The following RHBDF1 variants were observed in gnomAD, a reference collection of about 807,000 sequenced individuals.
The protein encoded by RHBDF1 is rhomboid 5 homolog 1.
In RHBDF1, 80 loss-of-function variants were observed where a neutral mutation model predicts 98.6. That is an observed-to-expected ratio of 0.81 (90% CI 0.68 to 0.98). The LOEUF is 0.98. RHBDF1 is among the 50% of genes least tolerant of loss of function. RHBDF1 has a pLI of 0.00. For missense variants in RHBDF1, 1,116 were observed against 1,198.3 expected (o/e 0.93, Z 1.01); for synonymous variants, 512 against 486.8 (o/e 1.05, Z -0.68).
chr16:61,964 C>T lies in RHBDF1; in HGVS notation c.1042G>A (p.Ala348Thr), dbSNP rs1427381402. 1.9e-6 allele frequency: 3 copies of T among 1,592,288 alleles called. No individual in the cohort carries two copies. Among genetic ancestry groups the T allele is most frequent in the South Asian group, 1.1e-5 (1 of 90,414 alleles). ...VRLRQEVVST[A>T]GPRRGQRIAV... is the part of the protein sequence containing the mutation. ...ATACGCTGGCCCCGTCGCGGCCCCG[C>T]GGTGCTCACCACCTCCTGTCGGAGC... Residue 348 changes from alanine (A) to threonine (T), a missense_variant, in exon 8 of 18, where the codon GCG (alanine) becomes ACG (threonine). Coordinates refer to ENST00000262316, the MANE Select transcript of RHBDF1 (RefSeq NM_022450.5).
In RHBDF1 at chr16:60,237, T is replaced by A; in HGVS notation, c.1701A>T (p.Pro567=). The A allele has an allele frequency of 6.2e-7, 1 of 1,614,128 alleles. No individual in the cohort carries two copies. Among genetic ancestry groups the A allele is most frequent in the Non-Finnish European group, 8.5e-7 (1 of 1,180,020 alleles). The change falls in exon 13 of 18, where the codon CCA becomes CCT. Residue 567 remains proline, a synonymous_variant. Transcript: ENST00000262316. The part of the protein sequence containing the change: ...EPSSEDPHEW[P]EDITKWPICT... ...TCACCGGCCACTTGGTGATGTCTTCTGGCCACTCATGAGGGTCTTCGGAGG... is the reference window on the plus strand; with the variant it reads ...TCACCGGCCACTTGGTGATGTCTTCAGGCCACTCATGAGGGTCTTCGGAGG...
intron 14 of RHBDF1, 75 bp downstream of exon 14, chr16:59,657 G>T (rs1321360904): frequency 2.6e-6 from 4 of 1,559,136 alleles, no homozygotes; most frequent in Admixed American, 3.6e-5. Flanking sequence ...TCAGGATTTG[G>T]TTAGGGAGAA....
At chr16:70,008 A>T (rs113719405) in intron 1 of RHBDF1, among the ~76,000 whole-genome samples, 1 of 48,792 alleles carries the variant, frequency 2.0e-5, no homozygotes, top group African/African-American at 5.2e-5. Flanking sequence ...AGCACTTGGC[A>T]GGAGGGGGGG....
At chr16:75,868 G>A (rs1220080571), upstream of RHBDF1, among the ~76,000 whole-genome samples, 1 of 152,164 alleles carries the variant, frequency 6.6e-6, no homozygotes, top group African/African-American at 2.4e-5. Context: ...CTCAACAGCT[G>A]TCAGCACCCC....
chr16:66,989 A>C (rs1298092082), intron 1 of RHBDF1, among the ~76,000 whole-genome samples: 2 of 152,156 alleles, frequency 1.3e-5, no homozygotes. Flanking sequence ...CCCAGCCCAG[A>C]CCTGCGTGTC....
At chr16:59,633 T>C in intron 14 of RHBDF1, 99 bp downstream of exon 14, 3 of 1,498,776 alleles carry the variant, frequency 2.0e-6, no homozygotes, top group Non-Finnish European at 2.7e-6. Flanking sequence ...ACATCCTTGG[T>C]ATACTGGCTT....
At position 60,981 on chromosome 16, in the gene RHBDF1, A is replaced by T; in HGVS notation, c.1557+139T>A. On this transcript the variant is annotated intron_variant, in intron 11 of 17. Transcript: ENST00000262316. ...GGGAGGGTGGGGATGAGGAGGAATG[A>T]ATATGACAAGGCCTTGCGCGTAAGG... 3.4e-6 allele frequency: 3 copies of T among 887,286 alleles called. No homozygotes were observed. The South Asian group carries it at 5.3e-5, about 16-fold the overall frequency. 55.0% of individuals were successfully genotyped at this position (887,286 alleles called of 1,614,324 possible).
chr16:61,737 G>A (rs1430602944), intron 8 of RHBDF1, 41 bp from the exon 9 acceptor site: 6 of 1,609,760 alleles, frequency 3.7e-6, no homozygotes, highest in East Asian at 2.2e-5. Context: ...TCCCCGACCC[G>A]GAGCCCCCAC....
At position 64,829 on chromosome 16, in the gene RHBDF1, G is replaced by C; in HGVS notation, c.118C>G (p.Pro40Ala). 1 of 1,614,098 alleles carries C rather than the reference G, an allele frequency of 6.2e-7. No homozygotes were observed. The highest frequency in any genetic ancestry group is 8.5e-7 in the Non-Finnish European group (1 of 1,180,008). ...LTAEEPSFLQPLRRQAFLRSV... is the reference protein window; with the variant it reads ...LTAEEPSFLQALRRQAFLRSV... Reference sequence around the variant, plus strand: ...CTCAGGAAAGCCTGTCGCCTCAGGGGCTGGGCAACAGGGTCATGGTGAGGG... The same window carrying C: ...CTCAGGAAAGCCTGTCGCCTCAGGGCCTGGGCAACAGGGTCATGGTGAGGG... The change falls in exon 3 of 18, where the codon CCC becomes GCC. Residue 40 changes from proline (P) to alanine (A), a missense_variant and splice_region_variant. Physicochemically the swap from Pro to Ala is conservative, Grantham distance 27. Coordinates refer to ENST00000262316, the MANE Select transcript of RHBDF1 (RefSeq NM_022450.5).
rs779881665 is a variant in RHBDF1, at chr16:58,579, T to C, written c.2329A>G (p.Ile777Val). The C allele has an allele frequency of 1.2e-6, 2 of 1,613,872 alleles. No homozygotes were observed. Among genetic ancestry groups the C allele is most frequent in the South Asian group, 1.1e-5 (1 of 91,082 alleles). ...GCGAAGGAGAGGAAGAGGCCACTGA[T>C]GAACCCTGAGATGTGGGCAAAGTTG... Reference protein sequence around the residue: ...IDNFAHISGFISGLFLSFAFL... With the variant: ...IDNFAHISGFVSGLFLSFAFL... The change falls in exon 18 of 18, where the codon ATC becomes GTC. Residue 777 changes from isoleucine (I) to valine (V), a missense_variant. By Grantham distance (29) the Ile-to-Val change is conservative (BLOSUM62 3). Coordinates refer to ENST00000262316, the MANE Select transcript of RHBDF1 (RefSeq NM_022450.5).
Position 63,666 on chromosome 16 carries a change from C to A in RHBDF1, c.383G>T (p.Ser128Ile). Residue 128 changes from serine (S) to isoleucine (I), a missense_variant, in exon 4 of 18, where the codon AGC (serine) becomes ATC (isoleucine). By Grantham distance (142) the Ser-to-Ile change is moderately radical (BLOSUM62 -2). Coordinates refer to ENST00000262316, the MANE Select transcript of RHBDF1 (RefSeq NM_022450.5). ...GCTGGTCAGCGACACGTTGTCCTGGCTGGGCAGGTCCAGCTCCCGGAGGAC... is the reference window on the plus strand; with the variant it reads ...GCTGGTCAGCGACACGTTGTCCTGGATGGGCAGGTCCAGCTCCCGGAGGAC... The part of the protein sequence containing the change: ...PQVLRELDLP[S>I]QDNVSLTSTE... 6.2e-7 allele frequency: 1 copy of A among 1,611,734 alleles called. No homozygotes were observed. Among genetic ancestry groups the A allele is most frequent in the African/African-American group, 1.3e-5 (1 of 75,012 alleles).
chr16:66,244 C>G (rs573642861), intron 1 of RHBDF1, among the ~76,000 whole-genome samples: 2 of 152,290 alleles, frequency 1.3e-5, no homozygotes, highest in South Asian at 4.1e-4. Flanking sequence ...GGCTCGGAGC[C>G]GCTGGGTCGG....
intron 1 of RHBDF1, among the ~76,000 whole-genome samples, chr16:71,906 T>C (rs1897979900): frequency 6.6e-6 from 1 of 151,784 alleles, no homozygotes; most frequent in African/African-American, 2.4e-5. Flanking sequence ...TCTTCGGGAG[T>C]CGCTCCCAGC....
rs760445561 is a variant in RHBDF1 at position 59,275 on chromosome 16, C to A, written c.1968G>T (p.Leu656=). 23 of 1,608,620 alleles carry A rather than the reference C, an allele frequency of 1.4e-5. No homozygotes were observed. The African/African-American group carries it at 2.9e-4, about 21-fold the overall frequency. The change falls in exon 16 of 18, where the codon CTG becomes CTT. Residue 656 remains leucine (L), a synonymous_variant. Coordinates refer to ENST00000262316, the MANE Select transcript of RHBDF1 (RefSeq NM_022450.5). ...NPEVPDQFYR[L]WLSLFLHAGI... is the part of the protein sequence containing the mutation. The stretch of plus-strand genomic sequence containing the variant: ...CGGCGTGCAGGAAGAGGGATAGCCA[C>A]AGGCGGTAGAACTGGTCAGGCACCT...
At chr16:64,113 A>T (rs965096037) in intron 3 of RHBDF1, 1 of 642,146 alleles carries the variant, frequency 1.6e-6, no homozygotes, top group Non-Finnish European at 2.6e-6. Context: ...TGAGAGCTCA[A>T]CCCGAGAGAG....
At position 62,711 on chromosome 16, in the gene RHBDF1, A is replaced by C; in HGVS notation, c.796-16T>G. 1 of 1,614,100 alleles carries C rather than the reference A, an allele frequency of 6.2e-7. No homozygotes were observed. The highest frequency in any genetic ancestry group is 8.5e-7 in the Non-Finnish European group (1 of 1,180,008). On this transcript the variant is annotated splice_polypyrimidine_tract_variant and intron_variant, in intron 6 of 17. Coordinates refer to ENST00000262316, the MANE Select transcript of RHBDF1 (RefSeq NM_022450.5). Reference sequence around the variant, plus strand: ...GGATACCTTCCTGAGCAAACACATGAGGTCAGGGTGGACACAGGCAGGAAG... The same window carrying C: ...GGATACCTTCCTGAGCAAACACATGCGGTCAGGGTGGACACAGGCAGGAAG...
At chr16:60,019 T>C (rs1024498101) in intron 13 of RHBDF1, 193 bp from the exon 14 acceptor site, 2 of 1,474,672 alleles carry the variant, frequency 1.4e-6, no homozygotes, top group Middle Eastern at 2.2e-4. Context: ...CAAGTCTCCA[T>C]CTAGTTCTCT....
Position 59,126 on chromosome 16 carries a change from T to A in RHBDF1, c.1996A>T (p.Ile666Phe). Residue 666 changes from isoleucine to phenylalanine, a missense_variant and splice_region_variant, in exon 17 of 18, where the codon ATC becomes TTC. Transcript: ENST00000262316. ...CAGATGGACACCAGGCAGTGCAAGA[T>A]CCTGTAGTCAGTAGCAGGCGGGGGT... ...LWLSLFLHAG[I>F]LHCLVSICFQ... 2 of 1,612,766 alleles carry A rather than the reference T, an allele frequency of 1.2e-6. No homozygotes were observed. The highest frequency in any genetic ancestry group is 1.7e-6 in the Non-Finnish European group (2 of 1,179,506).
At position 58,611 on chromosome 16, in the gene RHBDF1, C is replaced by T. The variant is rs748921622; in HGVS notation, c.2297G>A (p.Trp766Ter). Residue 766 changes from tryptophan (W) to a stop codon, truncating the protein, a stop_gained, in exon 18 of 18, where the codon TGG becomes TAG. Coordinates refer to ENST00000262316, the MANE Select transcript of RHBDF1 (RefSeq NM_022450.5). LOFTEE classifies it high-confidence loss of function. ...TGAGATGTGGGCAAAGTTGTCAATC[C>T]ACGGCAGCAGCCCAAAGGTGAAGAG... Reference protein sequence around the residue: ...LFLFTFGLLPWIDNFAHISGF... With the variant: ...LFLFTFGLLP The T allele has an allele frequency of 6.2e-7, 1 of 1,613,692 alleles. No homozygotes were observed. Among genetic ancestry groups the T allele is most frequent in the Non-Finnish European group, 8.5e-7 (1 of 1,179,990 alleles).
Sources: allele counts gnomAD v4.1 joint callset (sites outside exome capture counted in the v4.1 genomes callset), GRCh38; gene constraint gnomAD v4.1.1; transcripts MANE v1.5; gene names NCBI Gene and HGNC (gene_info 2026-07-23, HGNC 2026-07-21).